Variants in FCHSD2 observed in about 807,000 individuals in gnomAD.
FCHSD2 encodes the protein FCH and double SH3 domains 2.
A neutral mutation model predicts 108.1 loss-of-function variants in FCHSD2; 38 were observed. The ratio of observed to expected loss-of-function variants is 0.35; its 90% CI spans 0.27 to 0.46. FCHSD2 has a LOEUF of 0.46. Ranked by LOEUF, FCHSD2 falls within the 20% of genes least tolerant of loss-of-function variation. The pLI, the probability that FCHSD2 is intolerant of heterozygous loss-of-function variation, is 1.00. For synonymous variants in FCHSD2, 279 were observed against 314.7 expected, an observed-to-expected ratio of 0.89 and a Z score of 1.20; for missense variants, 751 against 897.8, an observed-to-expected ratio of 0.84 and a Z score of 2.09.
intron 2 of FCHSD2, among the ~76,000 whole-genome samples, chr11:73,118,373 T>A (rs544855637): frequency 1.3e-5 from 2 of 152,216 alleles, no homozygotes; most frequent in Admixed American, 1.3e-4. Context: ...TCCCAAAAAG[T>A]TTCCTCATGC....
rs1565339614 is a variant in FCHSD2 at position 72,954,196 on chromosome 11, A to AATTTTTTTTTTTTTTTTTT, written c.705+29891_705+29892insAAAAAAAAAAAAAAAAAAT. The stretch of plus-strand genomic sequence containing the variant: ...TAGAATATTAGCAGTAGATGTGGGG[A>AATTTTTTTTTTTTTTTTTT]TTTTTTTTTTTTTTTTTTTTTTTTT... On this transcript the variant is annotated intron_variant, in intron 8 of 19. Coordinates refer to ENST00000409418, the MANE Select transcript of FCHSD2 (RefSeq NM_014824.3). 3.3e-4 allele frequency among the ~76,000 whole-genome samples: 37 copies of AATTTTTTTTTTTTTTTTTT among 111,702 alleles called. 13 individuals are homozygous for AATTTTTTTTTTTTTTTTTT. Among genetic ancestry groups the AATTTTTTTTTTTTTTTTTT allele is most frequent in the Non-Finnish European group, 3.2e-4 (18 of 55,680 alleles). 73.3% of individuals were successfully genotyped at this position (111,702 alleles called of 152,430 possible).
At chr11:73,039,081 TG>T (rs1858567827) in intron 3 of FCHSD2, among the ~76,000 whole-genome samples, 1 of 152,234 alleles carries the variant, frequency 6.6e-6, no homozygotes, top group Non-Finnish European at 1.5e-5. Flanking sequence ...GCAGAATCAC[TG>T]TTTATTTTTA....
chr11:72,947,446 G>A (rs1325479586), intron 8 of FCHSD2, among the ~76,000 whole-genome samples: 1 of 152,192 alleles, frequency 6.6e-6, no homozygotes, highest in Admixed American at 6.5e-5. Context: ...TGTCTGACTA[G>A]AACTAAAGCC....
At chr11:73,006,140 T>C (rs1160769384) in intron 4 of FCHSD2, among the ~76,000 whole-genome samples, 1 of 152,062 alleles carries the variant, frequency 6.6e-6, no homozygotes, top group Non-Finnish European at 1.5e-5. Flanking sequence ...CTCCTGGCTT[T>C]GAGCCATCCT....
At chr11:72,870,666 C>T (rs1211377475) in intron 12 of FCHSD2, among the ~76,000 whole-genome samples, 3 of 151,014 alleles carry the variant, frequency 2.0e-5, no homozygotes, top group Non-Finnish European at 3.0e-5. Context: ...TTTGGGAAGC[C>T]GAGGGGGGCA....
intron 2 of FCHSD2, among the ~76,000 whole-genome samples, chr11:73,132,463 T>C (rs772042806): frequency 3.9e-5 from 6 of 152,234 alleles, no homozygotes; most frequent in Non-Finnish European, 7.3e-5. Context: ...TGGGTTTCAA[T>C]CTACGGCCTA....
intron 4 of FCHSD2, among the ~76,000 whole-genome samples, chr11:73,015,168 C>T (rs945198889): frequency 6.6e-6 from 1 of 152,170 alleles, no homozygotes; most frequent in Non-Finnish European, 1.5e-5. Flanking sequence ...TCTAAACAAA[C>T]ATATACTTTT....
At chr11:72,899,305 C>T (rs1340630521) in intron 10 of FCHSD2, among the ~76,000 whole-genome samples, 2 of 152,034 alleles carry the variant, frequency 1.3e-5, no homozygotes, top group Non-Finnish European at 2.9e-5. Flanking sequence ...AACAAGTAGA[C>T]ACAATCCAAT....
chr11:72,969,046 A>G (rs1025437714), intron 8 of FCHSD2, among the ~76,000 whole-genome samples: 75 of 152,290 alleles, frequency 4.9e-4, no homozygotes, highest in African/African-American at 1.7e-3. Flanking sequence ...TTTCATATAG[A>G]TTTTCTTTGA....
chr11:73,114,192 GC>G (rs1860555690), intron 2 of FCHSD2, among the ~76,000 whole-genome samples: 1 of 151,946 alleles, frequency 6.6e-6, no homozygotes, highest in South Asian at 2.1e-4. Flanking sequence ...AAGCAGAAGA[GC>G]TTCTCCCCAA....
At chr11:73,028,188 G>T (rs190984914) in intron 3 of FCHSD2, among the ~76,000 whole-genome samples, 1 of 152,152 alleles carries the variant, frequency 6.6e-6, no homozygotes, top group East Asian at 1.9e-4. Context: ...TGGAAAAGCC[G>T]CAGGCACTCA....
At chr11:72,964,432 A>G (rs970341868) in intron 8 of FCHSD2, among the ~76,000 whole-genome samples, 6 of 152,186 alleles carry the variant, frequency 3.9e-5, no homozygotes, top group African/African-American at 1.2e-4. Context: ...TTACTCCCTG[A>G]GATGGGGTTG....
chr11:73,038,533 C>T (rs544117461), intron 3 of FCHSD2, among the ~76,000 whole-genome samples: 4 of 152,232 alleles, frequency 2.6e-5, no homozygotes, highest in African/African-American at 9.6e-5. Context: ...AGAATGAAAT[C>T]TTGTCCTTTG....
intron 8 of FCHSD2, among the ~76,000 whole-genome samples, chr11:72,983,242 C>T (rs1857249248): frequency 6.7e-6 from 1 of 150,086 alleles, no homozygotes; most frequent in Admixed American, 6.6e-5. Context: ...TGCAGTGAGC[C>T]GAGATCCCGC....
At chr11:72,998,994 G>A (rs1857572396) in intron 5 of FCHSD2, among the ~76,000 whole-genome samples, 1 of 152,178 alleles carries the variant, frequency 6.6e-6, no homozygotes, top group South Asian at 2.1e-4. Context: ...TGTGGAGAGA[G>A]TTGTTAGTGA....
At chr11:72,998,669 A>G (rs868506333) in intron 5 of FCHSD2, among the ~76,000 whole-genome samples, 1 of 152,240 alleles carries the variant, frequency 6.6e-6, no homozygotes, top group Non-Finnish European at 1.5e-5. Flanking sequence ...GGATTTAAAA[A>G]GTAAGAAGCT....
intron 13 of FCHSD2, among the ~76,000 whole-genome samples, chr11:72,858,746 T>C (rs1861493274): frequency 6.6e-6 from 1 of 152,146 alleles, no homozygotes; most frequent in Admixed American, 6.5e-5. Context: ...AAACCTGCAA[T>C]TATATCCCTG....
Position 72,877,899 on chromosome 11 carries a change from G to A in FCHSD2, c.1146+9571C>T, listed in dbSNP as rs189634855. ...CACATGTCTGTAGCCCCAGCTATTCGGGAAATGGAGGTGGGAGGATTGCTT... is the reference window on the plus strand; with the variant it reads ...CACATGTCTGTAGCCCCAGCTATTCAGGAAATGGAGGTGGGAGGATTGCTT... On this transcript the variant is annotated intron_variant, in intron 12 of 19. Transcript: ENST00000409418. 1.6e-4 allele frequency among the ~76,000 whole-genome samples: 24 copies of A among 152,210 alleles called. No homozygotes were observed. In the East Asian group the frequency reaches 2.3e-3, roughly 15 times the overall value.
chr11:72,838,554 G>A lies in FCHSD2; in HGVS notation c.*237C>T, dbSNP rs1860802603. ...GGCTGCCCCCCTCTTTGCTCCTAGG[G>A]TCCGCTAGGATTTGTGCTATGGTAG... is the stretch of plus-strand genomic sequence containing the variant. On this transcript the variant is annotated 3_prime_UTR_variant, in exon 20 of 20. Coordinates refer to ENST00000409418, the MANE Select transcript of FCHSD2 (RefSeq NM_014824.3). The A allele has an allele frequency of 3.6e-6, 2 of 552,094 alleles. No individual in the cohort carries two copies. Among genetic ancestry groups the A allele is most frequent in the African/African-American group, 3.8e-5 (2 of 52,760 alleles). The allele number at this position is 552,094 out of a possible 1,614,324, so 34.2% of individuals were successfully genotyped here.
Sources: allele counts gnomAD v4.1 joint callset (sites outside exome capture counted in the v4.1 genomes callset), GRCh38; gene constraint gnomAD v4.1.1; transcripts MANE v1.5; gene names NCBI Gene and HGNC (gene_info 2026-07-23, HGNC 2026-07-21).